The following NSRP1 variants were observed in gnomAD, a reference collection of about 807,000 sequenced individuals.
NSRP1 encodes the protein nuclear speckle splicing regulatory protein 1.
A neutral mutation model predicts 54.7 loss-of-function variants in NSRP1; 24 were observed. The ratio of observed to expected loss-of-function variants is 0.44; its 90% CI spans 0.32 to 0.62. The LOEUF (loss-of-function observed/expected upper bound fraction) is 0.62. Ranked by LOEUF, NSRP1 falls within the 20% of genes least tolerant of loss-of-function variation. The pLI is 0.06. For synonymous variants in NSRP1, 210 were observed against 213.8 expected (o/e 0.98, Z 0.15); for missense variants, 596 against 651.2 (o/e 0.92, Z 0.92).
chr17:30,153,998 G>GTT (rs2071937640), intron 2 of NSRP1, among the ~76,000 whole-genome samples: 1 of 152,050 alleles, frequency 6.6e-6, no homozygotes, highest in Admixed American at 6.6e-5. Context: ...TGTTATGGTT[G>GTT]TTTTTTGTCT....
intron 2 of NSRP1, among the ~76,000 whole-genome samples, chr17:30,127,316 A>G (rs966830834): frequency 5.3e-5 from 8 of 152,232 alleles, no homozygotes; most frequent in Admixed American, 2.0e-4. Flanking sequence ...TAATGTCGGC[A>G]ATTGAAATGT....
intron 2 of NSRP1, among the ~76,000 whole-genome samples, chr17:30,140,170 C>T (rs2071790358): frequency 6.6e-6 from 1 of 152,162 alleles, no homozygotes; most frequent in South Asian, 2.1e-4. Flanking sequence ...TGCAAAAATA[C>T]AAAATACTTC....
chr17:30,120,779 T>A (rs977995235), intron 2 of NSRP1, among the ~76,000 whole-genome samples: 1 of 152,240 alleles, frequency 6.6e-6, no homozygotes, highest in Admixed American at 6.5e-5. Context: ...GCCATGTGGC[T>A]GATAAATAAG....
At chr17:30,132,245 C>CA (rs536072441) in intron 2 of NSRP1, among the ~76,000 whole-genome samples, 7,614 of 112,530 alleles carry the variant, frequency 0.068, 591 homozygotes, top group African/African-American at 0.21. Context: ...GAGACTGTCT[C>CA]AAAAAAAAAA....
At chr17:30,121,037 G>A (rs540128720) in intron 2 of NSRP1, among the ~76,000 whole-genome samples, 1 of 152,254 alleles carries the variant, frequency 6.6e-6, no homozygotes, top group Admixed American at 6.5e-5. Context: ...AAGAAATACA[G>A]AATGGCATAC....
Position 30,155,175 on chromosome 17 carries a change from G to A in NSRP1, c.115-17367G>A, listed in dbSNP as rs115078757. On this transcript the variant is annotated intron_variant, in intron 2 of 6. Transcript: ENST00000247026. ...TGGAATATGTGAGATATTTTGGTAC[G>A]GGCATGTGGTGCATAATATGGATTA... Among the ~76,000 whole-genome samples the A allele has an allele frequency of 4.1e-3, 616 of 151,876 alleles. 4 individuals carry two copies. The highest frequency in any genetic ancestry group is 0.014 in the African/African-American group (566 of 41,392).
At chr17:30,161,045 A>T (rs556629167) in intron 2 of NSRP1, among the ~76,000 whole-genome samples, 110 of 152,200 alleles carry the variant, frequency 7.2e-4, no homozygotes, top group Non-Finnish European at 1.4e-3. Context: ...TATACAATGG[A>T]AACACTACTT....
intron 2 of NSRP1, among the ~76,000 whole-genome samples, chr17:30,141,145 G>A (rs1227914999): frequency 2.0e-5 from 3 of 151,986 alleles, no homozygotes; most frequent in East Asian, 1.9e-4. Flanking sequence ...TTCATTGTCC[G>A]CTGTCTTTTA....
intron 2 of NSRP1, among the ~76,000 whole-genome samples, chr17:30,164,527 TG>T (rs1282057636): frequency 6.6e-6 from 1 of 152,186 alleles, no homozygotes; most frequent in Non-Finnish European, 1.5e-5. Flanking sequence ...CTGAGCATGG[TG>T]GCTTATGCCT....
chr17:30,173,476 G>T (rs1905027688), intron 3 of NSRP1, among the ~76,000 whole-genome samples: 1 of 152,084 alleles, frequency 6.6e-6, no homozygotes, highest in Non-Finnish European at 1.5e-5. Flanking sequence ...TAGATTTTCT[G>T]CTATAGAATG....
At chr17:30,127,633 C>CA (rs1235235457) in intron 2 of NSRP1, among the ~76,000 whole-genome samples, 9 of 152,094 alleles carry the variant, frequency 5.9e-5, no homozygotes, top group Non-Finnish European at 1.3e-4. Context: ...AGGCTGGTCT[C>CA]AGACTCCTGG....
At chr17:30,157,565 G>A (rs1176885420) in intron 2 of NSRP1, among the ~76,000 whole-genome samples, 1 of 152,086 alleles carries the variant, frequency 6.6e-6, no homozygotes, top group Non-Finnish European at 1.5e-5. Flanking sequence ...CTATCTAACT[G>A]TATGTTTGGG....
intron 2 of NSRP1, chr17:30,128,080 C>T: frequency 2.7e-6 from 1 of 368,366 alleles, no homozygotes. Flanking sequence ...CTCAAGTGAT[C>T]CACCTGCTTT....
intron 2 of NSRP1, among the ~76,000 whole-genome samples, chr17:30,158,002 C>T (rs1904370940): frequency 6.6e-6 from 1 of 152,096 alleles, no homozygotes; most frequent in African/African-American, 2.4e-5. Context: ...TGGATAGATA[C>T]CCAATAGTGA....
At chr17:30,122,948 T>C (rs1567788823) in intron 2 of NSRP1, among the ~76,000 whole-genome samples, 1 of 152,148 alleles carries the variant, frequency 6.6e-6, no homozygotes, top group African/African-American at 2.4e-5. Flanking sequence ...ATTTACCTTT[T>C]TTTAAAAAAA....
At chr17:30,132,692 G>A (rs1188018322) in intron 2 of NSRP1, among the ~76,000 whole-genome samples, 1 of 152,192 alleles carries the variant, frequency 6.6e-6, no homozygotes, top group African/African-American at 2.4e-5. Context: ...TGTAATTCTA[G>A]TTCTCTTGCC....
intron 2 of NSRP1, among the ~76,000 whole-genome samples, chr17:30,161,166 A>G (rs572074340): frequency 2.6e-5 from 4 of 152,334 alleles, no homozygotes; most frequent in South Asian, 4.1e-4. Flanking sequence ...GGTTTTGGCT[A>G]TTACAACTAA....
Position 30,163,832 on chromosome 17 carries a change from G to A in NSRP1, c.115-8710G>A, listed in dbSNP as rs191008607. On this transcript the variant is annotated intron_variant, in intron 2 of 6. Transcript: ENST00000247026. ...CGAGTAGCTGGGACTACAGGCGCGC[G>A]CCACCATGCCCAACTAATTTTTTTT... Among the ~76,000 whole-genome samples the A allele has an allele frequency of 3.6e-3, 543 of 151,830 alleles. 5 individuals carry two copies. Among genetic ancestry groups the A allele is most frequent in the African/African-American group, 0.01 (429 of 41,418 alleles).
Position 30,178,145 on chromosome 17 carries a change from G to T in NSRP1, c.246G>T (p.Met82Ile). ...AATATGACAGTATTTATGATGAAAT[G>T]CAGAAAAAAAAGGAGGAAAATAATC... The part of the protein sequence containing the change: ...VYEYDSIYDE[M>I]QKKKEENNPK... Residue 82 changes from methionine (M) to isoleucine (I), a missense_variant, in exon 4 of 7, where the codon ATG (methionine) becomes ATT (isoleucine). By Grantham distance (10) the Met-to-Ile change is conservative. Transcript: ENST00000247026. The T allele has an allele frequency of 6.2e-7, 1 of 1,607,914 alleles. No homozygotes were observed. Among genetic ancestry groups the T allele is most frequent in the Non-Finnish European group, 8.5e-7 (1 of 1,178,020 alleles).
Sources: allele counts gnomAD v4.1 joint callset (sites outside exome capture counted in the v4.1 genomes callset), GRCh38; gene constraint gnomAD v4.1.1; transcripts MANE v1.5; gene names NCBI Gene and HGNC (gene_info 2026-07-23, HGNC 2026-07-21).